The following SH3KBP1 variants were observed in gnomAD, a reference collection of about 807,000 sequenced individuals.
SH3KBP1 encodes SH3 domain containing kinase binding protein 1.
Under a neutral mutation model 50.1 loss-of-function variants are expected in SH3KBP1, and 8 were observed. The observed-to-expected ratio is 0.16, with a 90% CI of 0.09 to 0.29. SH3KBP1 has a LOEUF of 0.29. SH3KBP1 is among the 10% of genes least tolerant of loss of function. The pLI, the probability that SH3KBP1 is intolerant of heterozygous loss-of-function variation, is 1.00. For synonymous variants in SH3KBP1, 227 were observed against 218.6 expected, an observed-to-expected ratio of 1.04 and a Z score of -0.34; for missense variants, 377 against 535.2, an observed-to-expected ratio of 0.70 and a Z score of 2.92.
At chrX:19,554,212 A>AATATATATCATATTAAAAT (rs2065388938) in intron 13 of SH3KBP1, among the ~76,000 whole-genome samples, 1 of 69,189 alleles carries the variant, frequency 1.4e-5, no homozygotes, top group African/African-American at 7.0e-5. Flanking sequence ...ATTAAAATAT[A>AATATATATCATATTAAAAT]ATATTATATA....
chrX:19,845,343 T>A (rs1463242443), intron 1 of SH3KBP1, among the ~76,000 whole-genome samples: 1 of 107,168 alleles, frequency 9.3e-6, no homozygotes, highest in Non-Finnish European at 1.9e-5. Context: ...CCGGGCGTGG[T>A]GGTGGGCACC....
chrX:19,758,113 G>A (rs959988743), intron 2 of SH3KBP1, among the ~76,000 whole-genome samples: 1 of 109,873 alleles, frequency 9.1e-6, no homozygotes, highest in Admixed American at 9.7e-5. Flanking sequence ...ATCACCTGAG[G>A]GCAGGAGTTC....
At chrX:19,866,887 A>G (rs2068923755) in intron 1 of SH3KBP1, among the ~76,000 whole-genome samples, 1 of 108,668 alleles carries the variant, frequency 9.2e-6, no homozygotes, top group African/African-American at 3.4e-5. Flanking sequence ...ATCCAAACGT[A>G]AACAGACCTT....
intron 8 of SH3KBP1, among the ~76,000 whole-genome samples, chrX:19,629,291 G>A (rs2061526028): frequency 9.0e-6 from 1 of 110,844 alleles, no homozygotes; most frequent in African/African-American, 3.3e-5. Context: ...GGTCAGGACG[G>A]GTGAAGGAGT....
intron 1 of SH3KBP1, among the ~76,000 whole-genome samples, chrX:19,873,299 TATATATATATATAC>T (rs1446464336): frequency 7.5e-4 from 76 of 101,006 alleles, no homozygotes; most frequent in African/African-American, 2.5e-3. Context: ...TGTATATATA[TATATATATATATAC>T]ATATACATAT....
At chrX:19,858,573 A>G in intron 1 of SH3KBP1, among the ~76,000 whole-genome samples, 2 of 112,494 alleles carry the variant, frequency 1.8e-5, no homozygotes, top group Admixed American at 1.9e-4. Flanking sequence ...GGCTGCAGTG[A>G]GCCATGATCA....
intron 8 of SH3KBP1, among the ~76,000 whole-genome samples, chrX:19,619,931 A>T (rs1038853176): frequency 2.7e-5 from 3 of 112,324 alleles, no homozygotes; most frequent in African/African-American, 9.7e-5. Context: ...TGACCGCTTA[A>T]TCGGAAATCT....
At chrX:19,617,707 T>A (rs994203898) in intron 8 of SH3KBP1, among the ~76,000 whole-genome samples, 2 of 111,904 alleles carry the variant, frequency 1.8e-5, no homozygotes, top group Non-Finnish European at 3.8e-5. Flanking sequence ...AAAATAGTAG[T>A]TATTTTTATG....
At chrX:19,644,114 C>G (rs1487154674) in intron 7 of SH3KBP1, among the ~76,000 whole-genome samples, 1 of 111,482 alleles carries the variant, frequency 9.0e-6, no homozygotes, top group Non-Finnish European at 1.9e-5. Flanking sequence ...GCATTTGGAA[C>G]TGTGTTCATT....
At chrX:19,885,923 A>T (rs190957533) in intron 1 of SH3KBP1, among the ~76,000 whole-genome samples, 136 of 111,492 alleles carry the variant, frequency 1.2e-3, no homozygotes, top group African/African-American at 4.1e-3. Flanking sequence ...ACACACCAAA[A>T]GTGCTGAGCA....
intron 1 of SH3KBP1, among the ~76,000 whole-genome samples, chrX:19,871,993 T>C (rs2069054056): frequency 9.1e-6 from 1 of 110,304 alleles, no homozygotes; most frequent in African/African-American, 3.3e-5. Context: ...GGCTCACGCC[T>C]GTAATCCCAG....
rs1392715836 is a variant in SH3KBP1, at chrX:19,617,982, G to A, written c.898-9937C>T. On this transcript the variant is annotated intron_variant, in intron 8 of 17. Transcript: ENST00000397821. ...AGAACAGGACTTCCACAGGTGTTCA[G>A]TGTCACGAAGGCAGGAATCAGGAAG... Among the ~76,000 whole-genome samples, 5 of 112,174 alleles carry A rather than the reference G, an allele frequency of 4.5e-5. No individual in the cohort carries two copies. The Admixed American group carries it at 4.7e-4, about 11-fold the overall frequency.
At chrX:19,611,033 T>C (rs1216420373) in intron 8 of SH3KBP1, among the ~76,000 whole-genome samples, 1 of 110,501 alleles carries the variant, frequency 9.0e-6, no homozygotes, top group Non-Finnish European at 1.9e-5. Flanking sequence ...TACAGGCACA[T>C]GCCACCATGC....
chrX:19,803,948 G>T (rs1239266944), intron 2 of SH3KBP1, among the ~76,000 whole-genome samples: 2 of 111,137 alleles, frequency 1.8e-5, no homozygotes, highest in Non-Finnish European at 3.8e-5. Context: ...CGAGGCAGGC[G>T]GATCACGAGG....
At chrX:19,621,012 GTTT>G (rs57010197) in intron 8 of SH3KBP1, among the ~76,000 whole-genome samples, 1 of 68,720 alleles carries the variant, frequency 1.5e-5, no homozygotes, top group African/African-American at 6.0e-5. Flanking sequence ...GTTCAGGTTG[GTTT>G]TTTTTTTTTT....
chrX:19,717,816 A>T lies in SH3KBP1; in HGVS notation c.287-10832T>A, dbSNP rs550939899. 5.7e-4 allele frequency among the ~76,000 whole-genome samples: 64 copies of T among 111,398 alleles called. 1 individual carries two copies. The South Asian group carries it at 0.022, about 39-fold the overall frequency. On this transcript the variant is annotated intron_variant, in intron 3 of 17. Coordinates refer to ENST00000397821, the MANE Select transcript of SH3KBP1 (RefSeq NM_031892.3). ...GCCCCCTGTGAATTAACTTTACTAA[A>T]CCGTAGAGCAGGGCTATATATGAAC...
intron 6 of SH3KBP1, among the ~76,000 whole-genome samples, chrX:19,660,282 A>C (rs1324973775): frequency 8.9e-6 from 1 of 112,373 alleles, no homozygotes; most frequent in Non-Finnish European, 1.9e-5. Flanking sequence ...CTGTTATTGA[A>C]TTTTACTGAA....
At position 19,746,300 on chromosome X, in the gene SH3KBP1, C is replaced by T; in HGVS notation, c.286+18G>A. 8.3e-7 allele frequency: 1 copy of T among 1,209,562 alleles called. No homozygotes were observed. The highest frequency in any genetic ancestry group is 1.1e-6 in the Non-Finnish European group (1 of 894,618). On this transcript the variant is annotated intron_variant, in intron 3 of 17. Coordinates refer to ENST00000397821, the MANE Select transcript of SH3KBP1 (RefSeq NM_031892.3). ...TTGTTTGTGTGCAGGGAGGGAACCT[C>T]TTTTTCCTTTTCCATACCTCTCTTA... is the stretch of plus-strand genomic sequence containing the variant.
chrX:19,867,418 A>C (rs2068940365), intron 1 of SH3KBP1, among the ~76,000 whole-genome samples: 1 of 112,016 alleles, frequency 8.9e-6, no homozygotes, highest in African/African-American at 3.3e-5. Flanking sequence ...AAGATGTCTC[A>C]CGAACCCCCC....
Sources: gnomAD v4.1 joint callset for allele counts (sites outside exome capture counted in the v4.1 genomes callset) on GRCh38, gnomAD v4.1.1 for gene constraint, MANE v1.5 for transcripts, NCBI Gene and HGNC (gene_info 2026-07-23, HGNC 2026-07-21) for gene names.